AFG2A: variants seen among roughly 807,000 people sequenced by gnomAD.
The protein encoded by AFG2A is ATPase family gene 2 protein homolog A.
chr4:123,115,419 G>C, the AFG2A span, among the ~76,000 whole-genome samples: 1 of 152,050 alleles, frequency 6.6e-6, no homozygotes, highest in Non-Finnish European at 1.5e-5. Flanking sequence ...CGACAGAGTC[G>C]CTTGCCAGGT....
At chr4:123,041,277 A>ATTTTTTT in the AFG2A span, among the ~76,000 whole-genome samples, 41 of 118,134 alleles carry the variant, frequency 3.5e-4, no homozygotes, top group East Asian at 2.0e-3. Flanking sequence ...CGCCCAGCTA[A>ATTTTTTT]TTTTTTTTTT....
chr4:123,194,409 A>G, the AFG2A span, among the ~76,000 whole-genome samples: 8 of 152,210 alleles, frequency 5.3e-5, no homozygotes, highest in Non-Finnish European at 7.4e-5. Flanking sequence ...GCCCAATTCA[A>G]AGCCATCCTG....
chr4:123,303,780 A>C, the AFG2A span, among the ~76,000 whole-genome samples: 1 of 151,832 alleles, frequency 6.6e-6, no homozygotes, highest in South Asian at 2.1e-4. Context: ...CAAACAAACA[A>C]AAACAACTTT....
At chr4:122,952,854 G>C in the AFG2A span, among the ~76,000 whole-genome samples, 4 of 152,298 alleles carry the variant, frequency 2.6e-5, no homozygotes, top group East Asian at 7.7e-4. Flanking sequence ...GTAACAGAGT[G>C]GTAGTGGTAT....
At chr4:123,169,818 T>C in the AFG2A span, among the ~76,000 whole-genome samples, 2 of 152,132 alleles carry the variant, frequency 1.3e-5, no homozygotes, top group African/African-American at 2.4e-5. Flanking sequence ...CCTTTCCTCT[T>C]AAACAAGCAG....
the AFG2A span, among the ~76,000 whole-genome samples, chr4:123,026,435 T>C: frequency 1.6e-4 from 24 of 152,134 alleles, no homozygotes; most frequent in Non-Finnish European, 2.9e-4. Context: ...ACACGAACGA[T>C]AGGTGATGAG....
the AFG2A span, among the ~76,000 whole-genome samples, chr4:123,189,886 C>T: frequency 6.4e-5 from 8 of 125,694 alleles, no homozygotes; most frequent in Non-Finnish European, 6.2e-5. Flanking sequence ...AAGATCATGG[C>T]TCACTGCAGC....
At chr4:122,981,336 G>A in the AFG2A span, among the ~76,000 whole-genome samples, 4 of 133,918 alleles carry the variant, frequency 3.0e-5, no homozygotes, top group African/African-American at 5.3e-5. Context: ...CTGTACATGC[G>A]TGGATTTATT....
At chr4:122,943,157 G>A in the AFG2A span, among the ~76,000 whole-genome samples, 5 of 152,204 alleles carry the variant, frequency 3.3e-5, no homozygotes, top group African/African-American at 1.2e-4. Flanking sequence ...AGGTCCACTT[G>A]TTGCAGAGCT....
the AFG2A span, among the ~76,000 whole-genome samples, chr4:122,984,020 C>T: frequency 1.3e-5 from 2 of 152,162 alleles, no homozygotes; most frequent in Non-Finnish European, 2.9e-5. Flanking sequence ...ACAGAGCCTA[C>T]CCAATGAGAA....
chr4:123,027,572 A>T, the AFG2A span, among the ~76,000 whole-genome samples: 2 of 152,080 alleles, frequency 1.3e-5, no homozygotes, highest in African/African-American at 4.8e-5. Flanking sequence ...GTTCATGGTT[A>T]CTGGTTGTTA....
chr4:123,231,953 AC>A, the AFG2A span, among the ~76,000 whole-genome samples: 3 of 151,928 alleles, frequency 2.0e-5, no homozygotes, highest in Non-Finnish European at 4.4e-5. Flanking sequence ...TACAGTAAAA[AC>A]ATCAAAGAAC....
At chr4:123,057,708 C>G in the AFG2A span, among the ~76,000 whole-genome samples, 2 of 151,914 alleles carry the variant, frequency 1.3e-5, no homozygotes, top group African/African-American at 2.4e-5. Context: ...TAAATGTTTC[C>G]TAAAGTAAAA....
chr4:122,943,266 G>A, the AFG2A span, among the ~76,000 whole-genome samples: 24 of 152,296 alleles, frequency 1.6e-4, no homozygotes, highest in Admixed American at 3.9e-4. Context: ...TTGTGTGGGC[G>A]TCTAAGTCTC....
At chr4:123,080,257 A>G in the AFG2A span, among the ~76,000 whole-genome samples, 5 of 152,226 alleles carry the variant, frequency 3.3e-5, no homozygotes, top group Non-Finnish European at 5.9e-5. Context: ...GAGATAGCAG[A>G]GAGCTAGCGC....
the AFG2A span, among the ~76,000 whole-genome samples, chr4:123,189,977 T>G: frequency 1.2e-4 from 18 of 151,860 alleles, no homozygotes; most frequent in African/African-American, 3.1e-4. Context: ...TAATTTATTT[T>G]TTTTAAGAGA....
the AFG2A span, among the ~76,000 whole-genome samples, chr4:123,071,933 T>C: frequency 1.3e-5 from 2 of 152,246 alleles, no homozygotes. Flanking sequence ...CAGCTTCCTT[T>C]CAACTGTAAT....
chr4:122,948,743 G>A, the AFG2A span, among the ~76,000 whole-genome samples: 1 of 152,106 alleles, frequency 6.6e-6, no homozygotes, highest in African/African-American at 2.4e-5. Flanking sequence ...AGCTTGTATA[G>A]CATTTTCACT....
At chr4:123,116,903 G>C in the AFG2A span, among the ~76,000 whole-genome samples, 1 of 152,052 alleles carries the variant, frequency 6.6e-6, no homozygotes, top group Non-Finnish European at 1.5e-5. Context: ...TACTTTGTAG[G>C]TGTTGGTGTT....
Sources: allele counts gnomAD v4.1 joint callset (sites outside exome capture counted in the v4.1 genomes callset), GRCh38; gene constraint gnomAD v4.1.1; transcripts MANE v1.5; gene names NCBI Gene and HGNC (gene_info 2026-07-23, HGNC 2026-07-21).